The following NRXN3 variants were observed in gnomAD, a reference collection of about 807,000 sequenced individuals.
NRXN3 encodes neurexin 3, also known as neurexin III.
A neutral mutation model predicts 137.6 loss-of-function variants in NRXN3; 32 were observed. The observed-to-expected ratio is 0.23, with a 90% confidence interval of 0.18 to 0.31. The LOEUF is 0.31. Ranked by LOEUF, NRXN3 falls within the 10% of genes least tolerant of loss-of-function variation. The pLI, the probability that NRXN3 is intolerant of heterozygous loss-of-function variation, is 1.00. For synonymous variants in NRXN3, 798 were observed against 784.5 expected (o/e 1.02, Z -0.29); for missense variants, 1,574 against 2,062.5 (o/e 0.76, Z 4.59).
At chr14:78,915,040 A>G (rs1597338704) in intron 10 of NRXN3, among the ~76,000 whole-genome samples, 1 of 152,158 alleles carries the variant, frequency 6.6e-6, no homozygotes, top group South Asian at 2.1e-4. Flanking sequence ...TTGAGATAGT[A>G]CCTGAGTGGT....
intron 15 of NRXN3, among the ~76,000 whole-genome samples, chr14:79,358,624 A>AGAAAGAAT (rs1378274387): frequency 7.1e-6 from 1 of 141,366 alleles, no homozygotes; most frequent in African/African-American, 2.5e-5. Context: ...AAAGAAAGAA[A>AGAAAGAAT]GAAAGAAAGA....
intron 15 of NRXN3, among the ~76,000 whole-genome samples, chr14:79,465,461 G>A (rs934196731): frequency 2.6e-5 from 4 of 152,168 alleles, no homozygotes; most frequent in Non-Finnish European, 5.9e-5. Flanking sequence ...GCAAATTGGA[G>A]CAACTAGAAT....
intron 15 of NRXN3, among the ~76,000 whole-genome samples, chr14:79,018,078 G>T (rs1386143192): frequency 4.6e-5 from 7 of 151,556 alleles, no homozygotes; most frequent in African/African-American, 1.7e-4. Context: ...TGGCTAACAT[G>T]GTGAAACCCC....
chr14:78,953,509 C>T lies in NRXN3; in HGVS notation c.2276-3733C>T, dbSNP rs369914958. Among the ~76,000 whole-genome samples the T allele has an allele frequency of 3.1e-4, 47 of 152,274 alleles. No homozygotes were observed. The South Asian group carries it at 5.4e-3, about 17-fold the overall frequency. The stretch of plus-strand genomic sequence containing the variant: ...CTAAATGAGTTTTCAATGAGGATAG[C>T]TTGTGTGAGCATTTGGGTGGTATTA... On this transcript the variant is annotated intron_variant, in intron 10 of 20. Transcript: ENST00000335750.
At chr14:78,512,957 T>G (rs2096136708) in intron 4 of NRXN3, among the ~76,000 whole-genome samples, 1 of 152,220 alleles carries the variant, frequency 6.6e-6, no homozygotes, top group Non-Finnish European at 1.5e-5. Context: ...TGCCCCAGGC[T>G]TAGAGAAGTA....
At chr14:79,349,173 T>C (rs17598373) in intron 15 of NRXN3, among the ~76,000 whole-genome samples, 60,142 of 151,926 alleles carry the variant, frequency 0.4, 13,005 homozygotes, top group Admixed American at 0.51. Context: ...TGTGCCAGAT[T>C]TCAATTCCTA....
rs574617008 is a variant in NRXN3, at chr14:78,217,700, C to A, written c.-703-24691C>A. ...AGTTTGAGATGGAGCCTTGCTCTGT[C>A]GCCTGGGCTGGAGTGCAGCGGTGCG... On this transcript the variant is annotated intron_variant, in intron 1 of 20. Transcript: ENST00000335750. Among the ~76,000 whole-genome samples, 16 of 152,270 alleles carry A rather than the reference C, an allele frequency of 1.1e-4. No individual in the cohort carries two copies. The South Asian group carries it at 3.3e-3, about 32-fold the overall frequency.
chr14:79,282,167 A>T lies in NRXN3; in HGVS notation c.3263-185054A>T, dbSNP rs552709297. On this transcript the variant is annotated intron_variant, in intron 15 of 20. Coordinates refer to ENST00000335750, the MANE Select transcript of NRXN3 (RefSeq NM_001330195.2). ...AAAGAGCCACAACCACCAAAAAAGCAATTTCATTGACATGGAAACTTAGCT... is the reference window on the plus strand; with the variant it reads ...AAAGAGCCACAACCACCAAAAAAGCTATTTCATTGACATGGAAACTTAGCT... 3.1e-4 allele frequency among the ~76,000 whole-genome samples: 47 copies of T among 152,070 alleles called. 1 individual carries two copies. Among genetic ancestry groups the T allele is most frequent in the African/African-American group, 1.1e-3 (45 of 41,466 alleles).
At chr14:79,839,138 TTC>T (rs1235652594) in intron 20 of NRXN3, among the ~76,000 whole-genome samples, 3 of 152,012 alleles carry the variant, frequency 2.0e-5, no homozygotes, top group Middle Eastern at 3.4e-3. Flanking sequence ...AGAGGGTACT[TTC>T]TTATGCTGGA....
intron 20 of NRXN3, among the ~76,000 whole-genome samples, chr14:79,840,318 C>T (rs1311913042): frequency 2.6e-5 from 4 of 152,030 alleles, no homozygotes; most frequent in Admixed American, 6.6e-5. Context: ...ATCCTTTTTC[C>T]ACTGCCCCTA....
chr14:78,251,342 A>G (rs757171312), intron 2 of NRXN3, among the ~76,000 whole-genome samples: 9 of 152,208 alleles, frequency 5.9e-5, no homozygotes, highest in Admixed American at 1.3e-4. Context: ...GGAGATGATT[A>G]CAGAGGTGGA....
chr14:79,305,169 G>A (rs116293018), intron 15 of NRXN3, among the ~76,000 whole-genome samples: 305 of 152,152 alleles, frequency 2.0e-3, no homozygotes, highest in African/African-American at 7.1e-3. Flanking sequence ...AGTCTGTGAT[G>A]ATTTAAGAGC....
At chr14:78,216,041 T>G (rs1262305135) in intron 1 of NRXN3, among the ~76,000 whole-genome samples, 14 of 152,208 alleles carry the variant, frequency 9.2e-5, no homozygotes, top group Admixed American at 9.2e-4. Flanking sequence ...TTGTTAAAAA[T>G]TTTTAGGGAG....
chr14:79,470,476 G>C (rs1162316269), intron 16 of NRXN3, among the ~76,000 whole-genome samples: 1 of 152,044 alleles, frequency 6.6e-6, no homozygotes. Flanking sequence ...ACCCACTCTT[G>C]CAAGCCCTTT....
At position 79,747,870 on chromosome 14, in the gene NRXN3, C is replaced by T. The variant is rs564730227; in HGVS notation, c.4014+49933C>T. 3.9e-5 allele frequency among the ~76,000 whole-genome samples: 6 copies of T among 152,122 alleles called. No homozygotes were observed. The East Asian group carries it at 1.2e-3, about 29-fold the overall frequency. Reference sequence around the variant, plus strand: ...CCCTTGATGTGTGTCTTTGGGTGGGCTACTGAAACTCTGTCTTAGTTTCAT... The same window carrying T: ...CCCTTGATGTGTGTCTTTGGGTGGGTTACTGAAACTCTGTCTTAGTTTCAT... On this transcript the variant is annotated intron_variant, in intron 19 of 20. Transcript: ENST00000335750.
chr14:79,655,069 C>T (rs2098498870), intron 16 of NRXN3, among the ~76,000 whole-genome samples: 1 of 152,162 alleles, frequency 6.6e-6, no homozygotes, highest in Admixed American at 6.5e-5. Context: ...CCTTTGCATC[C>T]TGTTCAGAGC....
chr14:78,458,841 G>T (rs2094833830), intron 4 of NRXN3, among the ~76,000 whole-genome samples: 1 of 152,156 alleles, frequency 6.6e-6, no homozygotes. Flanking sequence ...TGATACATTG[G>T]AGCCATCTAA....
intron 3 of NRXN3, among the ~76,000 whole-genome samples, chr14:78,292,457 AG>A (rs1485248722): frequency 2.0e-5 from 3 of 152,208 alleles, no homozygotes; most frequent in Non-Finnish European, 4.4e-5. Context: ...AGGTACAAGA[AG>A]GGTGGAATAT....
chr14:79,268,862 C>A (rs2078854168), intron 15 of NRXN3, among the ~76,000 whole-genome samples: 1 of 151,944 alleles, frequency 6.6e-6, no homozygotes, highest in African/African-American at 2.4e-5. Flanking sequence ...ATTATTATTA[C>A]CTTTATTTTT....
Sources: gnomAD v4.1 joint callset for allele counts (sites outside exome capture counted in the v4.1 genomes callset) on GRCh38, gnomAD v4.1.1 for gene constraint, MANE v1.5 for transcripts, NCBI Gene and HGNC (gene_info 2026-07-23, HGNC 2026-07-21) for gene names.